The following PSMA8 variants were observed in gnomAD, a reference collection of about 807,000 sequenced individuals.
PSMA8 encodes the protein proteasome subunit alpha-type 8.
Under a neutral mutation model 32.4 loss-of-function variants are expected in PSMA8, and 18 were observed. The ratio of observed to expected loss-of-function variants is 0.56; its 90% CI spans 0.38 to 0.82. PSMA8 has a LOEUF of 0.82. PSMA8 is among the 40% of genes least tolerant of loss of function. The probability of loss-of-function intolerance (pLI) is 0.00; values close to 1 mark genes in which losing one functional copy is unlikely to be tolerated. For missense variants in PSMA8, 298 were observed against 300.7 expected (o/e 0.99, Z 0.07); for synonymous variants, 104 against 98.1 (o/e 1.06, Z -0.36).
In PSMA8 at chr18:26,133,875, G is replaced by C; in HGVS notation, c.-91G>C. 3 of 1,125,758 alleles carry C rather than the reference G, an allele frequency of 2.7e-6. No homozygotes were observed. Among genetic ancestry groups the C allele is most frequent in the Non-Finnish European group, 4.0e-6 (3 of 754,378 alleles). 69.7% of individuals were successfully genotyped at this position (1,125,758 alleles called of 1,614,324 possible). A position where few individuals can be genotyped will look rare whatever the true frequency, so the allele number is the denominator to read the frequency against. ...TTGAGGCGCGTGTGGAAGCGCTTCC[G>C]GGCGGTAGCACGCTGTGTTGGCGGC... On this transcript the variant is annotated 5_prime_UTR_variant, in exon 1 of 7. Transcript: ENST00000415576.
chr18:26,187,590 A>G (rs183044478), intron 6 of PSMA8, among the ~76,000 whole-genome samples: 11 of 152,306 alleles, frequency 7.2e-5, no homozygotes, highest in Non-Finnish European at 1.5e-4. Context: ...ATGGAAAAAG[A>G]TATTTCATGC....
rs140873955 is a variant in PSMA8, at chr18:26,156,915, T to C, written c.355-1207T>C. 3.3e-3 allele frequency among the ~76,000 whole-genome samples: 504 copies of C among 151,004 alleles called. 2 individuals carry two copies. The highest frequency in any genetic ancestry group is 0.011 in the African/African-American group (472 of 41,324). On this transcript the variant is annotated intron_variant, in intron 3 of 6. Coordinates refer to ENST00000415576, the MANE Select transcript of PSMA8 (RefSeq NM_001025096.2). ...GATTCTCCTACCTCAGCCTCCCCAG[T>C]AGCTGGTACCACAGATGCACACCAC...
At position 26,143,353 on chromosome 18, in the gene PSMA8, T is replaced by A. The variant is rs115867926; in HGVS notation, c.103-1206T>A. The stretch of plus-strand genomic sequence containing the variant: ...AGTGTGTGTGTGTATGAGCAAAGCC[T>A]ATGATGGAATGGCATCCTGTCCATG... On this transcript the variant is annotated intron_variant, in intron 1 of 6. Transcript: ENST00000415576. Among the ~76,000 whole-genome samples the A allele has an allele frequency of 3.4e-3, 525 of 152,296 alleles. 3 individuals are homozygous for A. The highest frequency in any genetic ancestry group is 0.012 in the African/African-American group (502 of 41,558).
intron 6 of PSMA8, among the ~76,000 whole-genome samples, chr18:26,191,936 A>C (rs1246137671): frequency 6.6e-6 from 1 of 152,240 alleles, no homozygotes; most frequent in African/African-American, 2.4e-5. Context: ...AAACTGATCA[A>C]ATTATTAAAC....
chr18:26,152,710 A>T (rs189388515), intron 3 of PSMA8, among the ~76,000 whole-genome samples: 10 of 152,306 alleles, frequency 6.6e-5, no homozygotes, highest in Admixed American at 4.6e-4. Flanking sequence ...CTGATGTCAC[A>T]GTGTTGAGAG....
At chr18:26,181,778 G>A (rs1483362869) in intron 6 of PSMA8, among the ~76,000 whole-genome samples, 1 of 152,200 alleles carries the variant, frequency 6.6e-6, no homozygotes, top group Non-Finnish European at 1.5e-5. Flanking sequence ...ACAAAATTTA[G>A]CCACGTGTGG....
At chr18:26,135,781 G>A (rs1429642202) in intron 1 of PSMA8, among the ~76,000 whole-genome samples, 1 of 152,130 alleles carries the variant, frequency 6.6e-6, no homozygotes, top group Non-Finnish European at 1.5e-5. Context: ...CTGATTGATG[G>A]TTCCTTTGTA....
At chr18:26,191,464 AC>A (rs2055401830) in intron 6 of PSMA8, among the ~76,000 whole-genome samples, 1 of 152,020 alleles carries the variant, frequency 6.6e-6, no homozygotes, top group South Asian at 2.1e-4. Context: ...CCCTGTCTGT[AC>A]TGAAAATGCA....
chr18:26,176,123 A>G (rs1224954929), intron 4 of PSMA8, among the ~76,000 whole-genome samples: 1 of 144,334 alleles, frequency 6.9e-6, no homozygotes, highest in Non-Finnish European at 1.5e-5. Flanking sequence ...GGGGTGGGTG[A>G]TGGGGCAAGG....
intron 4 of PSMA8, chr18:26,171,397 G>A (rs955043888): frequency 1.8e-6 from 2 of 1,121,926 alleles, no homozygotes; most frequent in Middle Eastern, 2.5e-4. Flanking sequence ...CTAATATAAC[G>A]TGTAATGGGC....
intron 6 of PSMA8, among the ~76,000 whole-genome samples, chr18:26,191,178 A>G (rs771100237): frequency 4.6e-5 from 7 of 152,238 alleles, no homozygotes; most frequent in Non-Finnish European, 8.8e-5. Flanking sequence ...GTGATGGACT[A>G]ATAGCTAAAA....
At chr18:26,190,654 C>CG (rs2144366193) in intron 6 of PSMA8, among the ~76,000 whole-genome samples, 1 of 152,228 alleles carries the variant, frequency 6.6e-6, no homozygotes, top group African/African-American at 2.4e-5. Flanking sequence ...GTTGCTGAGG[C>CG]GGTAGGATGG....
At chr18:26,188,874 A>G (rs1252583108) in intron 6 of PSMA8, among the ~76,000 whole-genome samples, 1 of 152,200 alleles carries the variant, frequency 6.6e-6, no homozygotes, top group Non-Finnish European at 1.5e-5. Context: ...TGTGACCTCA[A>G]TCTATAAAAC....
intron 4 of PSMA8, among the ~76,000 whole-genome samples, chr18:26,172,952 G>C (rs527914941): frequency 1.3e-3 from 200 of 152,256 alleles, no homozygotes; most frequent in Admixed American, 2.2e-3. Context: ...CCTCAGGGTT[G>C]TTGGCCACTA....
chr18:26,172,301 T>C (rs905389332), intron 4 of PSMA8, among the ~76,000 whole-genome samples: 10 of 152,246 alleles, frequency 6.6e-5, no homozygotes, highest in Admixed American at 3.3e-4. Flanking sequence ...TAGGGCCAGA[T>C]GGTAAATATT....
chr18:26,139,227 G>A (rs1024585094), intron 1 of PSMA8, among the ~76,000 whole-genome samples: 4 of 152,190 alleles, frequency 2.6e-5, no homozygotes, highest in African/African-American at 4.8e-5. Flanking sequence ...CCCAGCTGCC[G>A]TGTTGAGTTG....
chr18:26,151,786 A>G, intron 2 of PSMA8, 72 bp from the exon 3 acceptor site: 2 of 1,436,428 alleles, frequency 1.4e-6, no homozygotes, highest in Non-Finnish European at 1.9e-6. Flanking sequence ...AATAAAACCC[A>G]TTTGACAAGG....
chr18:26,156,953 A>C (rs1266080003), intron 3 of PSMA8, among the ~76,000 whole-genome samples: 15 of 150,658 alleles, frequency 1.0e-4, no homozygotes, highest in Non-Finnish European at 1.5e-5. Context: ...TGCCTGGCTA[A>C]TTTTTTATTT....
intron 6 of PSMA8, among the ~76,000 whole-genome samples, chr18:26,188,973 C>CA (rs1413347642): frequency 6.6e-6 from 1 of 152,000 alleles, no homozygotes; most frequent in Non-Finnish European, 1.5e-5. Flanking sequence ...GCAACCAAAG[C>CA]AAAAATGGAC....
Sources: gnomAD v4.1 joint callset for allele counts (sites outside exome capture counted in the v4.1 genomes callset) on GRCh38, gnomAD v4.1.1 for gene constraint, MANE v1.5 for transcripts, NCBI Gene and HGNC (gene_info 2026-07-23, HGNC 2026-07-21) for gene names.